HINT1: variants seen among roughly 807,000 people sequenced by gnomAD.
HINT1 encodes adenosine 5'-monophosphoramidase HINT1.
HINT1 carries 12 observed loss-of-function variants against 11.2 expected under a neutral mutation model. The ratio of observed to expected loss-of-function variants is 1.07; its 90% CI spans 0.69 to 1.74. The LOEUF (loss-of-function observed/expected upper bound fraction) is 1.74. HINT1 is among the 40% of genes most tolerant of loss of function. The pLI is 0.00. For synonymous variants in HINT1, 42 were observed against 52.6 expected (o/e 0.80, Z 0.87); for missense variants, 150 against 161.8 (o/e 0.93, Z 0.40).
At position 131,159,515 on chromosome 5, in the gene HINT1, C is replaced by T. The variant is rs4878; in HGVS notation, c.313G>A (p.Gly105Arg). 3.7e-6 allele frequency: 6 copies of T among 1,613,700 alleles called. No individual in the cohort carries two copies. The highest frequency in any genetic ancestry group is 5.1e-6 in the Non-Finnish European group (6 of 1,179,940). Reference sequence around the variant, plus strand: ...AGATGAACGTGATAGACAGACTGTCCACCATCTGAACCTTCATTCACCACC... The same window carrying T: ...AGATGAACGTGATAGACAGACTGTCTACCATCTGAACCTTCATTCACCACC... ...RMVVNEGSDG[G>R]QSVYHVHLHV... The change falls in exon 3 of 3, where the codon GGA becomes AGA. Residue 105 changes from glycine to arginine, a missense_variant. Gly to Arg is a moderately radical substitution (Grantham distance 125). Transcript: ENST00000304043.
chr5:131,163,144 A>T (rs1379860199), intron 1 of HINT1, among the ~76,000 whole-genome samples: 1 of 152,198 alleles, frequency 6.6e-6, no homozygotes, highest in Non-Finnish European at 1.5e-5. Flanking sequence ...GACTCCATGG[A>T]AGTCTTATGG....
chr5:131,161,493 A>G (rs2149652289), intron 2 of HINT1, among the ~76,000 whole-genome samples: 1 of 151,600 alleles, frequency 6.6e-6, no homozygotes, highest in East Asian at 1.9e-4. Flanking sequence ...CCAGCTACTC[A>G]GGAGGGCAGG....
In HINT1 at chr5:131,159,620, G is replaced by C; in HGVS notation, c.217-9C>G. The C allele has an allele frequency of 4.4e-6, 7 of 1,597,716 alleles. No homozygotes were observed. The highest frequency in any genetic ancestry group is 6.0e-6 in the Non-Finnish European group (7 of 1,171,914). ...ATTAAGTGTCCAAGAAGCTGGAAAA[G>C]GAAAAAAAGTTTCTTAGGCACAGGC... On this transcript the variant is annotated splice_polypyrimidine_tract_variant and intron_variant, in intron 2 of 2. Transcript: ENST00000304043.
rs779102556 is a variant in HINT1 at position 131,165,225 on chromosome 5, G to C, written c.-20C>G. On this transcript the variant is annotated 5_prime_UTR_variant, in exon 1 of 3. Transcript: ENST00000304043. The stretch of plus-strand genomic sequence containing the variant: ...TGCCATCTCGGCCTCTCTCCCGCGC[G>C]GCGGCCAGAGGAGAGGCTCGGAAGA... The C allele has an allele frequency of 6.2e-7, 1 of 1,600,200 alleles. No homozygotes were observed. Among genetic ancestry groups the C allele is most frequent in the Non-Finnish European group, 8.5e-7 (1 of 1,178,540 alleles).
chr5:131,162,683 A>T lies in HINT1; in HGVS notation c.112-7T>A. 6.5e-7 allele frequency: 1 copy of T among 1,546,066 alleles called. No individual in the cohort carries two copies. The highest frequency in any genetic ancestry group is 2.2e-5 in the East Asian group (1 of 44,498). ...TGTCATGGAAAGCAAGGCACTAGGG[A>T]AAAGAGAAATAAATAAATAAATCAA... On this transcript the variant is annotated splice_region_variant and splice_polypyrimidine_tract_variant and intron_variant, in intron 1 of 2. Transcript: ENST00000304043.
rs11558046 is a variant in HINT1 at position 131,159,529 on chromosome 5, T to C, written c.299A>G (p.Glu100Gly). The change falls in exon 3 of 3, where the codon GAA becomes GGA. Residue 100 changes from glutamate (E) to glycine (G), a missense_variant. Coordinates refer to ENST00000304043, the MANE Select transcript of HINT1 (RefSeq NM_005340.7). ...GACAGACTGTCCACCATCTGAACCT[T>C]CATTCACCACCATTCGATAACCCTT... is the stretch of plus-strand genomic sequence containing the variant. ...LNKGYRMVVN[E>G]GSDGGQSVYH... The C allele has an allele frequency of 1.9e-6, 3 of 1,613,746 alleles. No homozygotes were observed. Among genetic ancestry groups the C allele is most frequent in the Non-Finnish European group, 2.5e-6 (3 of 1,179,914 alleles).
chr5:131,159,321 T>A lies in HINT1; in HGVS notation c.*126A>T. The A allele has an allele frequency of 1.4e-6, 1 of 695,038 alleles. No homozygotes were observed. The highest frequency in any genetic ancestry group is 1.8e-5 in the African/African-American group (1 of 55,834). The allele number at this position is 695,038 out of a possible 1,614,324, so 43.1% of individuals were successfully genotyped here. On this transcript the variant is annotated 3_prime_UTR_variant, in exon 3 of 3. Coordinates refer to ENST00000304043, the MANE Select transcript of HINT1 (RefSeq NM_005340.7). ...ATGCAACAATGTCTTTTATTATGTATGCGGTTTTAAAATTATTTCTTGAAT... is the reference window on the plus strand; with the variant it reads ...ATGCAACAATGTCTTTTATTATGTAAGCGGTTTTAAAATTATTTCTTGAAT...
At chr5:131,164,939 C>T in intron 1 of HINT1, 156 bp downstream of exon 1, 1 of 1,090,712 alleles carries the variant, frequency 9.2e-7, no homozygotes, top group Admixed American at 2.3e-5. Flanking sequence ...AGTGCCCGGG[C>T]CCTGTCCGCT....
At chr5:131,162,918 A>G (rs1244767639) in intron 1 of HINT1, among the ~76,000 whole-genome samples, 3 of 151,936 alleles carry the variant, frequency 2.0e-5, no homozygotes, top group African/African-American at 4.8e-5. Flanking sequence ...GCTCACTGCA[A>G]CCTCCGCCTC....
In HINT1 at chr5:131,165,212, C is replaced by T. The variant is rs750836487; in HGVS notation, c.-7G>A. The stretch of plus-strand genomic sequence containing the variant: ...TGGCAATCTCATCTGCCATCTCGGC[C>T]TCTCTCCCGCGCGGCGGCCAGAGGA... On this transcript the variant is annotated 5_prime_UTR_variant, in exon 1 of 3. Coordinates refer to ENST00000304043, the MANE Select transcript of HINT1 (RefSeq NM_005340.7). 3.6e-5 allele frequency: 58 copies of T among 1,604,076 alleles called. No individual in the cohort carries two copies. The highest frequency in any genetic ancestry group is 4.2e-5 in the Non-Finnish European group (49 of 1,179,714).
chr5:131,160,756 G>A (rs1755228698), intron 2 of HINT1: 9 of 760,524 alleles, frequency 1.2e-5, no homozygotes, highest in Non-Finnish European at 3.9e-6. Flanking sequence ...GTGGCGATAT[G>A]CATTCAGGAG....
Position 131,162,689 on chromosome 5 carries a change from G to A in HINT1, c.112-13C>T, listed in dbSNP as rs751481922. On this transcript the variant is annotated splice_polypyrimidine_tract_variant and intron_variant, in intron 1 of 2. Transcript: ENST00000304043. ...GGAAAGCAAGGCACTAGGGAAAAGAGAAATAAATAAATAAATCAAACTTTT... is the reference window on the plus strand; with the variant it reads ...GGAAAGCAAGGCACTAGGGAAAAGAAAAATAAATAAATAAATCAAACTTTT... The A allele has an allele frequency of 2.0e-5, 30 of 1,516,748 alleles. No homozygotes were observed. Among genetic ancestry groups the A allele is most frequent in the Non-Finnish European group, 2.7e-5 (30 of 1,099,886 alleles). 94.0% of individuals were successfully genotyped at this position (1,516,748 alleles called of 1,614,324 possible).
intron 1 of HINT1, among the ~76,000 whole-genome samples, 193 bp from the exon 2 acceptor site, chr5:131,162,869 ACT>A (rs1426888698): frequency 6.6e-6 from 1 of 150,706 alleles, no homozygotes; most frequent in African/African-American, 2.4e-5. Flanking sequence ...ATGGAATCTC[ACT>A]CTGTCACCCA....
At chr5:131,160,668 G>C in intron 2 of HINT1, 2 of 1,199,236 alleles carry the variant, frequency 1.7e-6, no homozygotes, top group Non-Finnish European at 2.1e-6. Flanking sequence ...TACTCATGCA[G>C]TAAGGTCCAT....
intron 2 of HINT1, among the ~76,000 whole-genome samples, chr5:131,161,656 G>A (rs1057273149): frequency 1.3e-5 from 2 of 151,552 alleles, no homozygotes; most frequent in Admixed American, 6.6e-5. Flanking sequence ...CATATAAGAC[G>A]GTATTTTACC....
Position 131,160,706 on chromosome 5 carries a change from G to GT in HINT1, c.217-1096dup, listed in dbSNP as rs546763929. 2.4e-4 allele frequency: 300 copies of GT among 1,233,446 alleles called. 4 individuals carry two copies. The South Asian group carries it at 2.9e-3, about 12-fold the overall frequency. 76.4% of individuals were successfully genotyped at this position (1,233,446 alleles called of 1,614,324 possible). ...TACAGATGGACAATGGACAAAAATT[G>GT]TAAGTTGGGGAAATTATGATTTTTC... is the stretch of plus-strand genomic sequence containing the variant. On this transcript the variant is annotated intron_variant, in intron 2 of 2. Transcript: ENST00000304043.
intron 2 of HINT1, chr5:131,162,063 C>T (rs1208906304): frequency 2.9e-5 from 7 of 239,194 alleles, no homozygotes; most frequent in South Asian, 2.9e-4. Flanking sequence ...CGGTGGCTCA[C>T]GCGTGTAATC....
At chr5:131,163,079 C>G (rs1280691060) in intron 1 of HINT1, among the ~76,000 whole-genome samples, 1 of 152,184 alleles carries the variant, frequency 6.6e-6, no homozygotes, top group African/African-American at 2.4e-5. Flanking sequence ...TCAGGTGATC[C>G]ACCTGCCTCG....
At chr5:131,159,685 C>A in intron 2 of HINT1, 74 bp from the exon 3 acceptor site, 3 of 1,375,238 alleles carry the variant, frequency 2.2e-6, no homozygotes, top group Non-Finnish European at 3.0e-6. Context: ...AACTGTCAAG[C>A]TGAAATATCA....
Sources: allele counts gnomAD v4.1 joint callset (sites outside exome capture counted in the v4.1 genomes callset), GRCh38; gene constraint gnomAD v4.1.1; transcripts MANE v1.5; gene names NCBI Gene and HGNC (gene_info 2026-07-23, HGNC 2026-07-21).